TIMP3: variants seen among roughly 807,000 people sequenced by gnomAD.
The protein encoded by TIMP3 is metalloproteinase inhibitor 3.
In TIMP3, 11 loss-of-function variants were observed where a neutral mutation model predicts 30.0. The ratio of observed to expected loss-of-function variants is 0.37; its 90% CI spans 0.23 to 0.61. The LOEUF is 0.61. Ranked by LOEUF, TIMP3 falls within the 20% of genes least tolerant of loss-of-function variation. TIMP3 has a pLI of 0.70. For synonymous variants in TIMP3, 112 were observed against 111.3 expected, an observed-to-expected ratio of 1.01 and a Z score of -0.04; for missense variants, 181 against 276.8, an observed-to-expected ratio of 0.65 and a Z score of 2.45.
intron 1 of TIMP3, among the ~76,000 whole-genome samples, chr22:32,847,395 G>A (rs1262237269): frequency 1.3e-5 from 2 of 152,128 alleles, no homozygotes; most frequent in African/African-American, 2.4e-5. Flanking sequence ...ACAACCACTC[G>A]CCTCCTCCTA....
intron 1 of TIMP3, among the ~76,000 whole-genome samples, chr22:32,802,864 G>A (rs2046627255): frequency 6.6e-6 from 1 of 152,190 alleles, no homozygotes; most frequent in Non-Finnish European, 1.5e-5. Flanking sequence ...GGGAGGGGGA[G>A]AATGGGTAGT....
intron 1 of TIMP3, among the ~76,000 whole-genome samples, chr22:32,826,260 C>G (rs968849305): frequency 2.0e-5 from 3 of 152,066 alleles, no homozygotes; most frequent in Non-Finnish European, 2.9e-5. Flanking sequence ...GAAACTCCAT[C>G]TCTACTAAAA....
chr22:32,843,275 T>C (rs2047966100), intron 1 of TIMP3, among the ~76,000 whole-genome samples: 1 of 152,240 alleles, frequency 6.6e-6, no homozygotes, highest in Admixed American at 6.5e-5. Context: ...GTGGTTGTTA[T>C]CAGTATGTTC....
intron 1 of TIMP3, among the ~76,000 whole-genome samples, chr22:32,834,992 A>T (rs183987381): frequency 1.3e-4 from 20 of 152,094 alleles, no homozygotes; most frequent in African/African-American, 4.1e-4. Context: ...CAGCCATGTG[A>T]CCTCCGACCT....
At chr22:32,808,969 C>T (rs960802849) in intron 1 of TIMP3, among the ~76,000 whole-genome samples, 2 of 152,192 alleles carry the variant, frequency 1.3e-5, no homozygotes, top group Non-Finnish European at 2.9e-5. Flanking sequence ...TAAGTCTAGT[C>T]CTGTCTTCTG....
intron 1 of TIMP3, among the ~76,000 whole-genome samples, chr22:32,840,678 C>T (rs2047873099): frequency 6.6e-6 from 1 of 152,170 alleles, no homozygotes; most frequent in African/African-American, 2.4e-5. Context: ...CAGACTTCTT[C>T]CTCCTCTGGA....
At chr22:32,852,587 A>AG (rs1242571870) in intron 2 of TIMP3, among the ~76,000 whole-genome samples, 1 of 152,152 alleles carries the variant, frequency 6.6e-6, no homozygotes, top group Non-Finnish European at 1.5e-5. Context: ...GCAGGACTAA[A>AG]GGAACTTGGA....
At chr22:32,813,881 G>A (rs186401567) in intron 1 of TIMP3, among the ~76,000 whole-genome samples, 33 of 152,208 alleles carry the variant, frequency 2.2e-4, no homozygotes, top group African/African-American at 7.7e-4. Context: ...AGAATTCACA[G>A]ACACAATGGA....
In TIMP3 at chr22:32,802,212, C is replaced by T; in HGVS notation, c.121+90C>T. On this transcript the variant is annotated intron_variant, in intron 1 of 4. Coordinates refer to ENST00000266085, the MANE Select transcript of TIMP3 (RefSeq NM_000362.5). ...AGGCAGGGCGAGCCCCACTCCTTTC[C>T]TCTGCCCCAGGAGAGGGGCAGACGG... 2.0e-6 allele frequency: 3 copies of T among 1,501,332 alleles called. No homozygotes were observed. In the South Asian group the frequency reaches 3.7e-5, roughly 19 times the overall value. The allele number at this position is 1,501,332 out of a possible 1,614,324, so 93.0% of individuals were successfully genotyped here.
intron 1 of TIMP3, among the ~76,000 whole-genome samples, chr22:32,833,255 G>A (rs1416363368): frequency 6.6e-6 from 1 of 152,132 alleles, no homozygotes; most frequent in African/African-American, 2.4e-5. Context: ...CGAAGGACAT[G>A]GGACCATGTC....
chr22:32,850,130 T>C (rs1364963531), intron 2 of TIMP3, among the ~76,000 whole-genome samples: 8 of 150,730 alleles, frequency 5.3e-5, no homozygotes, highest in Admixed American at 3.3e-4. Context: ...TTGCTAAGCA[T>C]ATTCTTATCA....
rs130292 is a variant in TIMP3 at position 32,825,657 on chromosome 22, CAAAAAAAAAAAAAAAAAAA to C, written c.121+23557_121+23575del. ...TGGGCGACAGAGCGAGTTTCCATCT[CAAAAAAAAAAAAAAAAAAA>C]AAAAAAAAAAAAAAAAAAAAAGATG... On this transcript the variant is annotated intron_variant, in intron 1 of 4. Coordinates refer to ENST00000266085, the MANE Select transcript of TIMP3 (RefSeq NM_000362.5). Among the ~76,000 whole-genome samples, 28 of 28,588 alleles carry C rather than the reference CAAAAAAAAAAAAAAAAAAA, an allele frequency of 9.8e-4. No individual in the cohort carries two copies. The South Asian group carries it at 0.016, about 16-fold the overall frequency. 18.8% of individuals were successfully genotyped at this position (28,588 alleles called of 152,430 possible).
At chr22:32,822,940 C>CAG (rs1003652687) in intron 1 of TIMP3, among the ~76,000 whole-genome samples, 4 of 115,322 alleles carry the variant, frequency 3.5e-5, no homozygotes, top group East Asian at 2.1e-4. Context: ...AAAAAAAAAA[C>CAG]AGAGAGAGAG....
At chr22:32,818,345 G>T (rs780133860) in intron 1 of TIMP3, among the ~76,000 whole-genome samples, 9 of 152,142 alleles carry the variant, frequency 5.9e-5, no homozygotes, top group Non-Finnish European at 1.2e-4. Flanking sequence ...TAGAATGGGG[G>T]AGTCTTAGTT....
At chr22:32,804,594 C>T (rs767788132) in intron 1 of TIMP3, among the ~76,000 whole-genome samples, 6 of 152,280 alleles carry the variant, frequency 3.9e-5, no homozygotes, top group East Asian at 1.9e-4. Flanking sequence ...TGGTCCTCTC[C>T]GGGGGGCTGC....
intron 2 of TIMP3, among the ~76,000 whole-genome samples, chr22:32,853,018 C>T (rs2048266421): frequency 6.6e-6 from 1 of 152,184 alleles, no homozygotes; most frequent in Non-Finnish European, 1.5e-5. Flanking sequence ...CATGGGGAGA[C>T]CCGCTGGTCA....
chr22:32,831,472 T>C (rs780150487), intron 1 of TIMP3, among the ~76,000 whole-genome samples: 3 of 152,150 alleles, frequency 2.0e-5, no homozygotes, highest in Non-Finnish European at 2.9e-5. Flanking sequence ...TTCATCTTCA[T>C]GGCTGTGCAC....
intron 1 of TIMP3, among the ~76,000 whole-genome samples, chr22:32,814,131 TGTGTGTGTGTGAGAGA>T (rs746326703): frequency 4.8e-4 from 65 of 134,656 alleles, no homozygotes; most frequent in Non-Finnish European, 8.9e-4. Context: ...TGTGTGTGTG[TGTGTGTGTGTGAGAGA>T]GAGAGAGAGA....
At chr22:32,841,957 A>G (rs1420583407) in intron 1 of TIMP3, among the ~76,000 whole-genome samples, 1 of 152,222 alleles carries the variant, frequency 6.6e-6, no homozygotes, top group Non-Finnish European at 1.5e-5. Flanking sequence ...CTGGAAGAAC[A>G]TAGCAGGACC....
Sources: gnomAD v4.1 joint callset for allele counts (sites outside exome capture counted in the v4.1 genomes callset) on GRCh38, gnomAD v4.1.1 for gene constraint, MANE v1.5 for transcripts, NCBI Gene and HGNC (gene_info 2026-07-23, HGNC 2026-07-21) for gene names.